The following FOXP1 variants were observed in gnomAD, a reference collection of about 807,000 sequenced individuals.
The protein encoded by FOXP1 is forkhead box P1, also known as forkhead box protein P1.
In FOXP1, 15 loss-of-function variants were observed where a neutral mutation model predicts 98.2. The observed-to-expected ratio is 0.15, with a 90% CI of 0.10 to 0.24. The LOEUF is 0.24. Among genes scored for constraint, FOXP1 ranks in the 10% least tolerant of loss-of-function variants. The pLI is 1.00. For missense variants in FOXP1, 633 were observed against 848.5 expected, an observed-to-expected ratio of 0.75 and a Z score of 3.15; for synonymous variants, 371 against 314.5, an observed-to-expected ratio of 1.18 and a Z score of -1.90.
At chr3:71,096,541 G>C (rs2056473101) in intron 7 of FOXP1, among the ~76,000 whole-genome samples, 1 of 152,102 alleles carries the variant, frequency 6.6e-6, no homozygotes. Flanking sequence ...ACATGCTTGG[G>C]TTCAAAATAC....
chr3:71,570,951 C>T (rs961500605), intron 2 of FOXP1: 12 of 133,064 alleles, frequency 9.0e-5, no homozygotes, highest in African/African-American at 3.3e-4. Flanking sequence ...TGAAGAGAAT[C>T]ATTTTTGTGA....
At chr3:71,029,928 T>A (rs1279595516) in intron 11 of FOXP1, among the ~76,000 whole-genome samples, 1 of 152,188 alleles carries the variant, frequency 6.6e-6, no homozygotes, top group East Asian at 1.9e-4. Context: ...TTAATAATAA[T>A]TAACAATAAG....
chr3:71,508,165 G>C (rs991564705), intron 2 of FOXP1, among the ~76,000 whole-genome samples: 8 of 152,052 alleles, frequency 5.3e-5, no homozygotes, highest in African/African-American at 1.9e-4. Flanking sequence ...TATTTCTATA[G>C]GGGGAAAAAG....
At chr3:71,120,443 T>A (rs1163150069) in intron 6 of FOXP1, among the ~76,000 whole-genome samples, 4 of 152,222 alleles carry the variant, frequency 2.6e-5, no homozygotes, top group Non-Finnish European at 5.9e-5. Context: ...AGCTGATATT[T>A]AGGTAGGACA....
At chr3:71,496,446 T>C (rs190467607) in intron 2 of FOXP1, among the ~76,000 whole-genome samples, 113 of 152,276 alleles carry the variant, frequency 7.4e-4, no homozygotes, top group African/African-American at 2.6e-3. Flanking sequence ...AGAGGGCTGG[T>C]GGAGGTTTCC....
chr3:71,351,852 G>C (rs931791052), intron 4 of FOXP1, among the ~76,000 whole-genome samples: 1 of 152,092 alleles, frequency 6.6e-6, no homozygotes, highest in Non-Finnish European at 1.5e-5. Context: ...ATGTCCCAGA[G>C]AAAAATGACT....
chr3:71,343,074 A>G (rs568335375), intron 4 of FOXP1, among the ~76,000 whole-genome samples: 12 of 152,350 alleles, frequency 7.9e-5, no homozygotes, highest in African/African-American at 2.6e-4. Context: ...TTATAAAAGT[A>G]GCTGTCACAC....
At position 71,274,528 on chromosome 3, in the gene FOXP1, T is replaced by C. The variant is rs986495079; in HGVS notation, c.-12+25292A>G. ...GGAGAAATGCAAAGATGGGGTTGTCTAGCCAGGGCTACACCTGACCTATTC... is the reference window on the plus strand; with the variant it reads ...GGAGAAATGCAAAGATGGGGTTGTCCAGCCAGGGCTACACCTGACCTATTC... On this transcript the variant is annotated intron_variant, in intron 5 of 20. Transcript: ENST00000649528. Among the ~76,000 whole-genome samples, 7 of 152,166 alleles carry C rather than the reference T, an allele frequency of 4.6e-5. No individual in the cohort carries two copies. In the East Asian group the frequency reaches 1.3e-3, roughly 29 times the overall value.
intron 3 of FOXP1, among the ~76,000 whole-genome samples, chr3:71,457,053 G>A (rs894458327): frequency 6.6e-6 from 1 of 151,802 alleles, no homozygotes; most frequent in Non-Finnish European, 1.5e-5. Flanking sequence ...ACTGAAGACA[G>A]AGTTTACTCA....
chr3:71,232,043 T>C (rs1275589892), intron 5 of FOXP1, among the ~76,000 whole-genome samples: 1 of 152,232 alleles, frequency 6.6e-6, no homozygotes, highest in African/African-American at 2.4e-5. Flanking sequence ...AAGGGATTTC[T>C]GGGGGTTGTC....
intron 6 of FOXP1, among the ~76,000 whole-genome samples, chr3:71,131,668 G>A (rs1019420833): frequency 5.9e-5 from 9 of 152,124 alleles, no homozygotes; most frequent in Non-Finnish European, 1.0e-4. Context: ...TCAAAGCAAC[G>A]GCAGCTTGAT....
At chr3:71,253,303 CA>C (rs2068365631) in intron 5 of FOXP1, among the ~76,000 whole-genome samples, 1 of 152,164 alleles carries the variant, frequency 6.6e-6, no homozygotes, top group Non-Finnish European at 1.5e-5. Context: ...AACCATCCGG[CA>C]ACTTGGCTTC....
Position 70,993,988 on chromosome 3 carries a change from C to A in FOXP1, c.1063-5911G>T, listed in dbSNP as rs1019968415. 5.0e-5 allele frequency among the ~76,000 whole-genome samples: 7 copies of A among 141,274 alleles called. No individual in the cohort carries two copies. The South Asian group carries it at 1.6e-3, about 32-fold the overall frequency. The allele number at this position is 141,274 out of a possible 152,430, so 92.7% of individuals were successfully genotyped here. On this transcript the variant is annotated intron_variant, in intron 13 of 20. Transcript: ENST00000649528. ...CCAGCCTGGGCAACAGAGCAAAACT[C>A]CGTCTCAAAAGAAGAAAAAGAAAAA... is the stretch of plus-strand genomic sequence containing the variant.
intron 7 of FOXP1, among the ~76,000 whole-genome samples, chr3:71,091,446 C>T (rs531961948): frequency 6.6e-6 from 1 of 151,994 alleles, no homozygotes; most frequent in Non-Finnish European, 1.5e-5. Flanking sequence ...GCCGAGATCG[C>T]ACCACTGCAT....
chr3:71,439,965 A>AAAGGAGGAAGT (rs1244866971), intron 3 of FOXP1, among the ~76,000 whole-genome samples: 3 of 151,460 alleles, frequency 2.0e-5, no homozygotes, highest in Non-Finnish European at 4.4e-5. Context: ...AAAAAAAAAA[A>AAAGGAGGAAGT]AGGAGGAAGT....
intron 11 of FOXP1, among the ~76,000 whole-genome samples, chr3:71,037,002 T>C (rs1159147107): frequency 6.6e-6 from 1 of 152,194 alleles, no homozygotes; most frequent in African/African-American, 2.4e-5. Context: ...AGATCTGAAT[T>C]TGGATCTTGG....
At chr3:71,486,927 A>C (rs1419832821) in intron 3 of FOXP1, among the ~76,000 whole-genome samples, 2 of 152,210 alleles carry the variant, frequency 1.3e-5, no homozygotes, top group Non-Finnish European at 2.9e-5. Flanking sequence ...GTGTATTGAT[A>C]AGAAGTAAGA....
chr3:71,235,257 A>T (rs1450922139), intron 5 of FOXP1, among the ~76,000 whole-genome samples: 2 of 152,228 alleles, frequency 1.3e-5, no homozygotes, highest in Non-Finnish European at 2.9e-5. Flanking sequence ...GGGGTTACTG[A>T]AAATTTACAA....
At chr3:71,295,379 CTTTA>C (rs1184307314) in intron 5 of FOXP1, among the ~76,000 whole-genome samples, 1 of 152,018 alleles carries the variant, frequency 6.6e-6, no homozygotes, top group East Asian at 1.9e-4. Flanking sequence ...AGCATTTTAG[CTTTA>C]TTTTTCACCA....
Sources: allele counts gnomAD v4.1 joint callset (sites outside exome capture counted in the v4.1 genomes callset), GRCh38; gene constraint gnomAD v4.1.1; transcripts MANE v1.5; gene names NCBI Gene and HGNC (gene_info 2026-07-23, HGNC 2026-07-21).